The following ITPR1 variants were observed in gnomAD, a reference collection of about 807,000 sequenced individuals.
ITPR1 encodes the protein inositol 1,4,5-trisphosphate receptor type 1.
In ITPR1, 96 loss-of-function variants were observed where a neutral mutation model predicts 318.4. The ratio of observed to expected loss-of-function variants is 0.30; its 90% CI spans 0.26 to 0.36. The LOEUF is 0.36. Ranked by LOEUF, ITPR1 falls within the 10% of genes least tolerant of loss-of-function variation. The pLI is 1.00. For missense variants in ITPR1, 2,440 were observed against 3,460.2 expected (o/e 0.71, Z 7.40); for synonymous variants, 1,312 against 1,289.9 (o/e 1.02, Z -0.37).
At chr3:4,716,834 T>G (rs945516811) in intron 39 of ITPR1, among the ~76,000 whole-genome samples, 1 of 152,202 alleles carries the variant, frequency 6.6e-6, no homozygotes, top group African/African-American at 2.4e-5. Flanking sequence ...AGAGGGAATA[T>G]AGTTTCCTTT....
In ITPR1 at chr3:4,669,643, T is replaced by C; in HGVS notation, c.1887-11T>C. The C allele has an allele frequency of 6.2e-7, 1 of 1,607,920 alleles. No homozygotes were observed. Among genetic ancestry groups the C allele is most frequent in the Non-Finnish European group, 8.5e-7 (1 of 1,176,394 alleles). ...ATCTACAGAAAATGTTTTGTTTCTG[T>C]TTCTGTTTAGATTCTTAGATTACCT... On this transcript the variant is annotated splice_polypyrimidine_tract_variant and intron_variant, in intron 18 of 61. Transcript: ENST00000649015.
At chr3:4,641,816 A>AT (rs1177987374) in intron 6 of ITPR1, among the ~76,000 whole-genome samples, 5 of 152,224 alleles carry the variant, frequency 3.3e-5, no homozygotes, top group Non-Finnish European at 5.9e-5. Flanking sequence ...GCAGGTTATG[A>AT]TGGCACAGTT....
chr3:4,582,737 T>A lies in ITPR1; in HGVS notation c.164-45026T>A, dbSNP rs112468717. Among the ~76,000 whole-genome samples the A allele has an allele frequency of 2.9e-3, 439 of 152,294 alleles. 1 individual carries two copies. Among genetic ancestry groups the A allele is most frequent in the African/African-American group, 9.7e-3 (405 of 41,572 alleles). ...GAAAGTGTCTTACCATCTGTTAGAT[T>A]TTTTCTGGGAGATGATTAGCTTTCA... On this transcript the variant is annotated intron_variant, in intron 4 of 61. Coordinates refer to ENST00000649015, the MANE Select transcript of ITPR1 (RefSeq NM_001378452.1).
At chr3:4,559,806 T>C (rs1376591999) in intron 4 of ITPR1, among the ~76,000 whole-genome samples, 7 of 152,242 alleles carry the variant, frequency 4.6e-5, no homozygotes, top group African/African-American at 1.7e-4. Flanking sequence ...TAACTTTGTG[T>C]AGGGTCACTC....
chr3:4,688,191 G>A (rs2094427066), intron 30 of ITPR1, among the ~76,000 whole-genome samples: 1 of 152,150 alleles, frequency 6.6e-6, no homozygotes. Flanking sequence ...GCCCGTCCCT[G>A]TCTTTAGAAG....
intron 56 of ITPR1, among the ~76,000 whole-genome samples, chr3:4,811,676 T>G (rs1250521695): frequency 6.6e-6 from 1 of 152,260 alleles, no homozygotes; most frequent in African/African-American, 2.4e-5. Flanking sequence ...ATCTGACATT[T>G]ATTTATTCAC....
At chr3:4,632,730 C>G (rs1193973288) in intron 5 of ITPR1, among the ~76,000 whole-genome samples, 1 of 152,020 alleles carries the variant, frequency 6.6e-6, no homozygotes, top group Non-Finnish European at 1.5e-5. Flanking sequence ...TTTCGACACT[C>G]CTTCCTATGA....
At position 4,676,777 on chromosome 3, in the gene ITPR1, G is replaced by A. The variant is rs1241993039; in HGVS notation, c.2943G>A (p.Lys981=). ...AGGACATCATGGTCATGGACACCAA[G>A]CTGAAGATCATTGAGATACTCCAGG... ...EKEDIMVMDT[K]LKIIEILQFI... is the part of the protein sequence containing the mutation. The change falls in exon 24 of 62, where the codon AAG becomes AAA. Residue 981 remains lysine, a synonymous_variant. Coordinates refer to ENST00000649015, the MANE Select transcript of ITPR1 (RefSeq NM_001378452.1). The A allele has an allele frequency of 3.1e-6, 5 of 1,613,406 alleles. No individual in the cohort carries two copies. Among genetic ancestry groups the A allele is most frequent in the South Asian group, 1.1e-5 (1 of 91,004 alleles).
intron 40 of ITPR1, among the ~76,000 whole-genome samples, chr3:4,720,766 G>T (rs770347009): frequency 6.6e-6 from 1 of 151,090 alleles, no homozygotes; most frequent in Non-Finnish European, 1.5e-5. Flanking sequence ...TGCTTCTGCC[G>T]GCAAAAGATG....
At chr3:4,781,597 G>A (rs2046841483) in intron 49 of ITPR1, among the ~76,000 whole-genome samples, 1 of 152,174 alleles carries the variant, frequency 6.6e-6, no homozygotes, top group Admixed American at 6.5e-5. Context: ...GGCTGTGAAG[G>A]GTAATAGGGC....
chr3:4,609,444 G>A (rs1356666679), intron 4 of ITPR1, among the ~76,000 whole-genome samples: 4 of 152,024 alleles, frequency 2.6e-5, no homozygotes, highest in Non-Finnish European at 2.9e-5. Flanking sequence ...GTCCTGATTC[G>A]TCTAATTAGT....
Position 4,824,766 on chromosome 3 carries a change from C to T in ITPR1, c.8028+6524C>T, listed in dbSNP as rs775572411. Among the ~76,000 whole-genome samples the T allele has an allele frequency of 6.1e-4, 93 of 152,120 alleles. 1 individual carries two copies. The highest frequency in any genetic ancestry group is 8.4e-4 in the Non-Finnish European group (57 of 68,034). ...CAGGAGTTAGATGGGGTGTGACTTT[C>T]CGAGCTGCTGCCGCCAGCAACCACT... On this transcript the variant is annotated intron_variant, in intron 60 of 61. Transcript: ENST00000649015.
intron 47 of ITPR1, among the ~76,000 whole-genome samples, 191 bp downstream of exon 47, chr3:4,775,633 C>G (rs1199991233): frequency 6.6e-6 from 1 of 152,156 alleles, no homozygotes; most frequent in Non-Finnish European, 1.5e-5. Context: ...TAATGAAGGA[C>G]ATTGGAGGGA....
chr3:4,602,237 G>A (rs1055265165), intron 4 of ITPR1, among the ~76,000 whole-genome samples: 1 of 152,104 alleles, frequency 6.6e-6, no homozygotes, highest in East Asian at 1.9e-4. Context: ...ACTTGTACAC[G>A]AGCCAGGTGC....
intron 37 of ITPR1, 42 bp downstream of exon 37, chr3:4,706,393 C>T (rs2094757726): frequency 1.3e-6 from 2 of 1,533,942 alleles, no homozygotes; most frequent in Non-Finnish European, 1.8e-6. Flanking sequence ...AGCCTGGCCT[C>T]ACGTGATTGC....
chr3:4,835,409 CATTT>C (rs1428619198), intron 60 of ITPR1, among the ~76,000 whole-genome samples: 4 of 152,196 alleles, frequency 2.6e-5, no homozygotes, highest in African/African-American at 9.7e-5. Context: ...TGGACATACC[CATTT>C]ATTTATTTAC....
intron 54 of ITPR1, among the ~76,000 whole-genome samples, chr3:4,801,595 C>A (rs1406518426): frequency 6.6e-6 from 1 of 152,016 alleles, no homozygotes; most frequent in Non-Finnish European, 1.5e-5. Context: ...AGAACCCTAT[C>A]TCTACTAAAA....
intron 60 of ITPR1, among the ~76,000 whole-genome samples, chr3:4,834,443 C>A (rs774429540): frequency 6.6e-6 from 1 of 152,146 alleles, no homozygotes; most frequent in Non-Finnish European, 1.5e-5. Context: ...TAGCAGCCAC[C>A]GTGAGTATCC....
intron 51 of ITPR1, among the ~76,000 whole-genome samples, chr3:4,785,640 C>T (rs988730025): frequency 3.9e-5 from 6 of 152,130 alleles, no homozygotes; most frequent in Non-Finnish European, 7.3e-5. Flanking sequence ...CCTTAAAAGG[C>T]GAGCTTTAGA....
Sources: gnomAD v4.1 joint callset for allele counts (sites outside exome capture counted in the v4.1 genomes callset) on GRCh38, gnomAD v4.1.1 for gene constraint, MANE v1.5 for transcripts, NCBI Gene and HGNC (gene_info 2026-07-23, HGNC 2026-07-21) for gene names.